The following PPP1R9A variants were observed in gnomAD, a reference collection of about 807,000 sequenced individuals.
PPP1R9A encodes the protein neurabin-1.
A neutral mutation model predicts 141.9 loss-of-function variants in PPP1R9A; 59 were observed. The observed-to-expected ratio is 0.42, with a 90% CI of 0.34 to 0.52. The LOEUF (loss-of-function observed/expected upper bound fraction) is 0.52. PPP1R9A is among the 20% of genes least tolerant of loss of function. The pLI is 0.10. For synonymous variants in PPP1R9A, 500 were observed against 569.7 expected (o/e 0.88, Z 1.74); for missense variants, 1,444 against 1,611.9 (o/e 0.90, Z 1.78).
At chr7:95,280,574 C>A (rs573966487) in intron 16 of PPP1R9A, among the ~76,000 whole-genome samples, 53 of 152,288 alleles carry the variant, frequency 3.5e-4, no homozygotes, top group Middle Eastern at 3.4e-3. Context: ...GAAATGGTAT[C>A]TTTGGATTAT....
chr7:94,999,773 C>T (rs1040289004), intron 2 of PPP1R9A, among the ~76,000 whole-genome samples: 15 of 134,810 alleles, frequency 1.1e-4, no homozygotes, highest in African/African-American at 4.3e-4. Context: ...GCTGAGATAT[C>T]TTATTTTATT....
chr7:94,959,814 G>A (rs1024482481), intron 2 of PPP1R9A, among the ~76,000 whole-genome samples: 3 of 151,652 alleles, frequency 2.0e-5, no homozygotes, highest in Non-Finnish European at 3.0e-5. Context: ...ATTATAAAAT[G>A]TTAACAGTAT....
intron 12 of PPP1R9A, among the ~76,000 whole-genome samples, chr7:95,264,522 T>G (rs854518): frequency 2.0e-5 from 3 of 151,998 alleles, no homozygotes; most frequent in Non-Finnish European, 2.9e-5. Flanking sequence ...TCCTAATTTC[T>G]TAGAGCATTT....
At chr7:95,142,111 T>C (rs1826806786) in intron 4 of PPP1R9A, among the ~76,000 whole-genome samples, 1 of 152,148 alleles carries the variant, frequency 6.6e-6, no homozygotes, top group Admixed American at 6.5e-5. Context: ...TGGTGGCTAA[T>C]GATGTTGAAC....
chr7:94,982,066 C>T (rs1018962703), intron 2 of PPP1R9A, among the ~76,000 whole-genome samples: 2 of 145,126 alleles, frequency 1.4e-5, no homozygotes, highest in African/African-American at 5.1e-5. Context: ...TGAGCAAGAA[C>T]ATGCAGTGTT....
chr7:95,164,310 C>T (rs925500293), intron 5 of PPP1R9A, among the ~76,000 whole-genome samples: 2 of 152,140 alleles, frequency 1.3e-5, no homozygotes, highest in Non-Finnish European at 2.9e-5. Context: ...TTCCATTTAC[C>T]TCCATTGTCC....
chr7:95,120,585 A>T, intron 3 of PPP1R9A, 127 bp from the exon 4 acceptor site: 1 of 1,036,958 alleles, frequency 9.6e-7, no homozygotes, highest in South Asian at 2.1e-5. Context: ...CTGCTAAAGC[A>T]AGCATGTTAT....
At chr7:95,270,005 C>T (rs1801917776) in intron 14 of PPP1R9A, among the ~76,000 whole-genome samples, 2 of 152,264 alleles carry the variant, frequency 1.3e-5, no homozygotes, top group South Asian at 4.1e-4. Flanking sequence ...TGCAGATCTT[C>T]TAGAAGAGGG....
At chr7:95,028,578 T>G (rs1807222829) in intron 2 of PPP1R9A, among the ~76,000 whole-genome samples, 1 of 152,140 alleles carries the variant, frequency 6.6e-6, no homozygotes, top group Non-Finnish European at 1.5e-5. Flanking sequence ...TAGGTAACAT[T>G]TTAGGGCTAG....
chr7:95,100,607 G>C (rs1818638403), intron 2 of PPP1R9A, among the ~76,000 whole-genome samples: 1 of 152,104 alleles, frequency 6.6e-6, no homozygotes, highest in Non-Finnish European at 1.5e-5. Flanking sequence ...ACACATGAGA[G>C]GTAGGTAATA....
intron 5 of PPP1R9A, among the ~76,000 whole-genome samples, chr7:95,189,885 T>G (rs1463411727): frequency 6.6e-6 from 1 of 152,218 alleles, no homozygotes; most frequent in Non-Finnish European, 1.5e-5. Flanking sequence ...GTGTACTTCA[T>G]TTCCAGAAGT....
chr7:95,060,831 C>T (rs1812127993), intron 2 of PPP1R9A, among the ~76,000 whole-genome samples: 1 of 152,170 alleles, frequency 6.6e-6, no homozygotes, highest in African/African-American at 2.4e-5. Context: ...TGCCATGTGG[C>T]AGCAAATTCA....
chr7:94,997,888 A>C (rs986438376), intron 2 of PPP1R9A, among the ~76,000 whole-genome samples: 1 of 152,086 alleles, frequency 6.6e-6, no homozygotes, highest in Non-Finnish European at 1.5e-5. Context: ...ACTGTTATGG[A>C]AAGGGTCTTA....
At chr7:95,033,693 T>C (rs1808034027) in intron 2 of PPP1R9A, among the ~76,000 whole-genome samples, 1 of 152,162 alleles carries the variant, frequency 6.6e-6, no homozygotes, top group Admixed American at 6.5e-5. Flanking sequence ...TTTTTGTGTG[T>C]GTCAGAGAAG....
rs142536446 is a variant in PPP1R9A, at chr7:95,205,114, T to C, written c.1956+1384T>C. Among the ~76,000 whole-genome samples the C allele has an allele frequency of 2.8e-3, 425 of 152,282 alleles. 2 individuals are homozygous for C. The highest frequency in any genetic ancestry group is 8.8e-3 in the African/African-American group (364 of 41,554). ...ATATTCTTCATATATGGAGATGTTA[T>C]TTTTTAATACACTGTGTACAGACAG... On this transcript the variant is annotated intron_variant, in intron 7 of 19. Transcript: ENST00000433360.
chr7:94,958,353 ATTTAT>A (rs369534050), intron 2 of PPP1R9A, among the ~76,000 whole-genome samples: 6 of 151,890 alleles, frequency 4.0e-5, no homozygotes, highest in African/African-American at 1.2e-4. Context: ...TTTCTTCTTC[ATTTAT>A]TTTTCTCATA....
intron 2 of PPP1R9A, among the ~76,000 whole-genome samples, chr7:95,106,661 G>A (rs1334016318): frequency 6.6e-6 from 1 of 152,122 alleles, no homozygotes; most frequent in Non-Finnish European, 1.5e-5. Flanking sequence ...ACATTTGCAA[G>A]TATTTCTGTA....
intron 2 of PPP1R9A, among the ~76,000 whole-genome samples, chr7:94,922,696 G>C (rs7803601): frequency 0.57 from 87,128 of 151,956 alleles, 25,356 homozygotes; most frequent in South Asian, 0.73. Context: ...TGTATTTGCA[G>C]CTAGGACAAA....
At chr7:95,289,958 G>A in intron 19 of PPP1R9A, 133 bp from the exon 20 acceptor site, 1 of 1,419,588 alleles carries the variant, frequency 7.0e-7, no homozygotes. Context: ...TTTAGCAAAT[G>A]TAACTAGTTC....
Sources: gnomAD v4.1 joint callset for allele counts (sites outside exome capture counted in the v4.1 genomes callset) on GRCh38, gnomAD v4.1.1 for gene constraint, MANE v1.5 for transcripts, NCBI Gene and HGNC (gene_info 2026-07-23, HGNC 2026-07-21) for gene names.